The following UNC5D variants were observed in gnomAD, a reference collection of about 807,000 sequenced individuals.
The protein encoded by UNC5D is unc-5 netrin receptor D.
In UNC5D, 39 loss-of-function variants were observed where a neutral mutation model predicts 105.4. That is an observed-to-expected ratio of 0.37 (90% CI 0.29 to 0.48). UNC5D has a LOEUF of 0.48. UNC5D is among the 20% of genes least tolerant of loss of function. The pLI is 0.98. For missense variants in UNC5D, 991 were observed against 1,202.4 expected (o/e 0.82, Z 2.60); for synonymous variants, 452 against 450.4 (o/e 1.00, Z -0.04).
At chr8:35,348,984 CT>C (rs887889236) in intron 1 of UNC5D, among the ~76,000 whole-genome samples, 70 of 151,976 alleles carry the variant, frequency 4.6e-4, no homozygotes, top group African/African-American at 1.6e-3. Context: ...AAAATAACTT[CT>C]TAAAAAATTT....
chr8:35,424,967 T>A (rs2128969410), intron 1 of UNC5D, among the ~76,000 whole-genome samples: 1 of 152,268 alleles, frequency 6.6e-6, no homozygotes, highest in East Asian at 1.9e-4. Flanking sequence ...AGAATGTGGG[T>A]GATCATGTAC....
intron 1 of UNC5D, among the ~76,000 whole-genome samples, chr8:35,407,318 CAT>C (rs1412250336): frequency 6.6e-6 from 1 of 151,800 alleles, no homozygotes; most frequent in East Asian, 1.9e-4. Flanking sequence ...TTAAGTGACA[CAT>C]GACTGTATAT....
At chr8:35,435,746 G>GTCTCC (rs1423421511) in intron 1 of UNC5D, among the ~76,000 whole-genome samples, 1 of 152,026 alleles carries the variant, frequency 6.6e-6, no homozygotes, top group African/African-American at 2.4e-5. Context: ...GTTGGACACT[G>GTCTCC]TCTCCTCTGG....
chr8:35,322,800 C>T (rs923715186), intron 1 of UNC5D, among the ~76,000 whole-genome samples: 23 of 152,132 alleles, frequency 1.5e-4, no homozygotes, highest in Admixed American at 1.0e-3. Flanking sequence ...ATTTCTTAAG[C>T]GATCTTTCTA....
Position 35,282,484 on chromosome 8 carries a change from A to G in UNC5D, c.103+46597A>G, listed in dbSNP as rs552830771. Among the ~76,000 whole-genome samples, 9 of 152,276 alleles carry G rather than the reference A, an allele frequency of 5.9e-5. 1 individual carries two copies. Among genetic ancestry groups the G allele is most frequent in the African/African-American group, 1.7e-4 (7 of 41,562 alleles). On this transcript the variant is annotated intron_variant, in intron 1 of 16. Transcript: ENST00000404895. ...TATTGTCACATGTGAAGTCTCTTCA[A>G]TAGGGCATAAGGAGTTGTCAGGAAG... is the stretch of plus-strand genomic sequence containing the variant.
intron 1 of UNC5D, among the ~76,000 whole-genome samples, chr8:35,301,217 G>A (rs1585532567): frequency 2.6e-5 from 4 of 152,246 alleles, no homozygotes; most frequent in African/African-American, 7.2e-5. Context: ...AAAGGATAAG[G>A]ACATGTTGAA....
At chr8:35,550,311 G>C (rs1241460798) in intron 2 of UNC5D, among the ~76,000 whole-genome samples, 1 of 152,124 alleles carries the variant, frequency 6.6e-6, no homozygotes, top group East Asian at 1.9e-4. Context: ...GAGATAATTT[G>C]ACTCAAAGCC....
intron 1 of UNC5D, among the ~76,000 whole-genome samples, chr8:35,436,584 C>G (rs1423835616): frequency 6.6e-6 from 1 of 151,972 alleles, no homozygotes; most frequent in Non-Finnish European, 1.5e-5. Flanking sequence ...AGTTGGCATT[C>G]AGTTGGGTCA....
intron 1 of UNC5D, among the ~76,000 whole-genome samples, chr8:35,535,498 A>G (rs901996264): frequency 1.3e-5 from 2 of 151,830 alleles, no homozygotes; most frequent in Non-Finnish European, 2.9e-5. Flanking sequence ...TTGAGGTACA[A>G]CAGCAGATCT....
At chr8:35,754,498 T>C (rs1008727240) in intron 13 of UNC5D, among the ~76,000 whole-genome samples, 9 of 152,156 alleles carry the variant, frequency 5.9e-5, no homozygotes, top group African/African-American at 2.2e-4. Flanking sequence ...TTTCACTTCA[T>C]TCATGTCTCA....
intron 2 of UNC5D, among the ~76,000 whole-genome samples, chr8:35,550,794 A>G (rs1389723595): frequency 2.0e-5 from 3 of 152,220 alleles, no homozygotes; most frequent in Non-Finnish European, 1.5e-5. Flanking sequence ...AGCGGTTGAA[A>G]GGAACATTGA....
At chr8:35,725,473 A>G (rs888914660) in intron 9 of UNC5D, among the ~76,000 whole-genome samples, 1 of 152,080 alleles carries the variant, frequency 6.6e-6, no homozygotes, top group Non-Finnish European at 1.5e-5. Context: ...GCTGCTCCCT[A>G]TGTAGAATCT....
Position 35,654,512 on chromosome 8 carries a change from G to A in UNC5D, c.571-29035G>A, listed in dbSNP as rs531761210. 5.9e-5 allele frequency among the ~76,000 whole-genome samples: 9 copies of A among 152,274 alleles called. No homozygotes were observed. The South Asian group carries it at 1.9e-3, about 32-fold the overall frequency. ...ACTACCCTGGGGTTTGGAGCACGGAGCAGTGGAAAATGCCTGCTCTTAGGC... is the reference window on the plus strand; with the variant it reads ...ACTACCCTGGGGTTTGGAGCACGGAACAGTGGAAAATGCCTGCTCTTAGGC... On this transcript the variant is annotated intron_variant, in intron 4 of 16. Coordinates refer to ENST00000404895, the MANE Select transcript of UNC5D (RefSeq NM_080872.4).
intron 1 of UNC5D, among the ~76,000 whole-genome samples, chr8:35,544,877 A>T (rs761956560): frequency 4.4e-4 from 67 of 152,162 alleles, no homozygotes; most frequent in Admixed American, 3.3e-4. Flanking sequence ...TGCTGGGATT[A>T]CAGGCATGAG....
At chr8:35,412,356 A>G (rs927398436) in intron 1 of UNC5D, among the ~76,000 whole-genome samples, 1 of 151,994 alleles carries the variant, frequency 6.6e-6, no homozygotes, top group Non-Finnish European at 1.5e-5. Flanking sequence ...TGTAAGCACT[A>G]TTGCATTGAG....
intron 4 of UNC5D, among the ~76,000 whole-genome samples, chr8:35,616,641 C>T (rs1423950047): frequency 6.6e-6 from 1 of 152,202 alleles, no homozygotes; most frequent in Non-Finnish European, 1.5e-5. Context: ...CAAAACCTGT[C>T]TTTATTCTCC....
Position 35,790,476 on chromosome 8 carries a change from T to A in UNC5D, c.2775T>A (p.Ile925=), listed in dbSNP as rs1331569182. ...CCCTGGCCTGTGCCCTTGAAGAGAT[T>A]GGGAGGACACACACGAAACTCTCAA... ...LDSLACALEE[I]GRTHTKLSNI... is the part of the protein sequence containing the mutation. Residue 925 remains isoleucine (I), a synonymous_variant, in exon 17 of 17, where the codon ATT becomes ATA. Transcript: ENST00000404895. The A allele has an allele frequency of 5.6e-6, 9 of 1,613,812 alleles. No homozygotes were observed. The highest frequency in any genetic ancestry group is 1.3e-5 in the African/African-American group (1 of 74,924).
At chr8:35,266,989 C>T (rs768709083) in intron 1 of UNC5D, among the ~76,000 whole-genome samples, 7 of 151,840 alleles carry the variant, frequency 4.6e-5, no homozygotes, top group South Asian at 2.1e-4. Context: ...TATCATGAGG[C>T]GACCAGATTG....
chr8:35,269,439 G>T (rs1259285780), intron 1 of UNC5D, among the ~76,000 whole-genome samples: 1 of 152,130 alleles, frequency 6.6e-6, no homozygotes, highest in Non-Finnish European at 1.5e-5. Flanking sequence ...TCTTCATGCT[G>T]CCCTCCTTGA....
Sources: gnomAD v4.1 joint callset for allele counts (sites outside exome capture counted in the v4.1 genomes callset) on GRCh38, gnomAD v4.1.1 for gene constraint, MANE v1.5 for transcripts, NCBI Gene and HGNC (gene_info 2026-07-23, HGNC 2026-07-21) for gene names.